USP32: variants seen among roughly 807,000 people sequenced by gnomAD.
USP32 encodes the protein ubiquitin specific peptidase 32, also known as ubiquitin carboxyl-terminal hydrolase 32.
USP32 carries 59 observed loss-of-function variants against 204.8 expected under a neutral mutation model. The observed-to-expected ratio is 0.29, with a 90% CI of 0.23 to 0.36. The LOEUF (loss-of-function observed/expected upper bound fraction) is 0.36. USP32 is among the 10% of genes least tolerant of loss of function. The pLI, the probability that USP32 is intolerant of heterozygous loss-of-function variation, is 1.00. For missense variants in USP32, 1,160 were observed against 1,946.4 expected (o/e 0.60, Z 7.60); for synonymous variants, 517 against 678.4 (o/e 0.76, Z 3.70).
chr17:60,207,104 C>T lies in USP32; in HGVS notation c.2954G>A (p.Arg985Gln), dbSNP rs756035565. The T allele has an allele frequency of 4.3e-6, 7 of 1,612,756 alleles. No individual in the cohort carries two copies. In the South Asian group the frequency reaches 4.4e-5, roughly 10 times the overall value. ...KNFPQDNQKV[R>Q]LSVSGFLCAF... is the part of the protein sequence containing the mutation. ...ACACAAAAATCCACTCACTGAGAGTCGTACTTTTTGGTTGTCCTGAGGAAA... is the reference window on the plus strand; with the variant it reads ...ACACAAAAATCCACTCACTGAGAGTTGTACTTTTTGGTTGTCCTGAGGAAA... Residue 985 changes from arginine (R) to glutamine (Q), a missense_variant, in exon 25 of 34, where the codon CGA becomes CAA. By Grantham distance (43) the Arg-to-Gln change is conservative. Coordinates refer to ENST00000300896, the MANE Select transcript of USP32 (RefSeq NM_032582.4).
chr17:60,369,210 G>A (rs914983756), intron 1 of USP32, among the ~76,000 whole-genome samples: 1 of 137,450 alleles, frequency 7.3e-6, no homozygotes, highest in Non-Finnish European at 1.5e-5. Context: ...TAGCTGGGAT[G>A]GTCTCGATCT....
intron 24 of USP32, among the ~76,000 whole-genome samples, 192 bp from the exon 25 acceptor site, chr17:60,207,324 G>T (rs1010789634): frequency 1.3e-5 from 2 of 152,006 alleles, no homozygotes; most frequent in Admixed American, 1.3e-4. Flanking sequence ...CTCAATTTTC[G>T]AACTATTATC....
chr17:60,233,824 T>C (rs1444254349), intron 12 of USP32, among the ~76,000 whole-genome samples: 1 of 152,204 alleles, frequency 6.6e-6, no homozygotes, highest in Non-Finnish European at 1.5e-5. Context: ...CAGAAAGTAC[T>C]GCTGTTACTC....
chr17:60,294,266 T>C (rs901440047), intron 4 of USP32, among the ~76,000 whole-genome samples: 1 of 152,112 alleles, frequency 6.6e-6, no homozygotes, highest in Non-Finnish European at 1.5e-5. Context: ...GTGAAATAAA[T>C]GACAAAATAG....
At chr17:60,180,390 A>T (rs1386295621) in intron 33 of USP32, among the ~76,000 whole-genome samples, 155 bp downstream of exon 33, 2 of 152,214 alleles carry the variant, frequency 1.3e-5, no homozygotes, top group African/African-American at 4.8e-5. Flanking sequence ...CTCTGCATAT[A>T]ACTTTTGTTC....
chr17:60,234,239 G>T (rs952177538), intron 12 of USP32, among the ~76,000 whole-genome samples: 1 of 150,660 alleles, frequency 6.6e-6, no homozygotes, highest in Middle Eastern at 3.2e-3. Context: ...TCACCCTCCC[G>T]AGTAGCTGGG....
intron 2 of USP32, chr17:60,316,354 G>A (rs2087977694): frequency 6.4e-6 from 1 of 155,356 alleles, no homozygotes; most frequent in African/African-American, 2.4e-5. Flanking sequence ...GACTGCAAGT[G>A]GGAAAATGGG....
chr17:60,420,189 T>G (rs2090099067), intron 1 of USP32, among the ~76,000 whole-genome samples: 1 of 151,860 alleles, frequency 6.6e-6, no homozygotes, highest in African/African-American at 2.4e-5. Flanking sequence ...GTAGAGGGTT[T>G]TGCCATGTTG....
At chr17:60,411,088 G>A (rs1210364178) in intron 1 of USP32, among the ~76,000 whole-genome samples, 2 of 152,012 alleles carry the variant, frequency 1.3e-5, no homozygotes, top group Non-Finnish European at 2.9e-5. Flanking sequence ...CAGCACTTTG[G>A]GAGGCCGAGG....
chr17:60,226,895 T>G (rs994896739), intron 12 of USP32, among the ~76,000 whole-genome samples: 1 of 151,670 alleles, frequency 6.6e-6, no homozygotes, highest in African/African-American at 2.4e-5. Context: ...AATACAAAAA[T>G]TAGCTGGGGG....
At position 60,181,612 on chromosome 17, in the gene USP32, C is replaced by G. The variant is rs775868804; in HGVS notation, c.4260G>C (p.Leu1420=). ...CATCCAAGTTCTCTTTACTACTTGA[C>G]AGTTTATTTTTGCTGCCAATCTGGG... is the stretch of plus-strand genomic sequence containing the variant. ...RLPQIGSKNK[L]SSSKENLDAS... Residue 1420 remains leucine, a synonymous_variant, in exon 32 of 34, where the codon CTG becomes CTC. Transcript: ENST00000300896. The G allele has an allele frequency of 6.2e-7, 1 of 1,613,898 alleles. No homozygotes were observed. Among genetic ancestry groups the G allele is most frequent in the Non-Finnish European group, 8.5e-7 (1 of 1,179,866 alleles).
intron 26 of USP32, among the ~76,000 whole-genome samples, chr17:60,204,015 G>T (rs932289416): frequency 1.3e-5 from 2 of 152,082 alleles, no homozygotes; most frequent in Non-Finnish European, 2.9e-5. Flanking sequence ...CACTATACCC[G>T]AAGACTACCT....
At chr17:60,396,069 C>CTTTTTT (rs936063243), upstream of USP32, among the ~76,000 whole-genome samples, 6 of 74,920 alleles carry the variant, frequency 8.0e-5, no homozygotes, top group African/African-American at 3.1e-4. Flanking sequence ...GCACTTGAAG[C>CTTTTTT]TTTTTTTTTT....
intron 15 of USP32, among the ~76,000 whole-genome samples, chr17:60,221,068 G>C (rs1222008339): frequency 6.7e-6 from 1 of 150,014 alleles, no homozygotes; most frequent in East Asian, 1.9e-4. Flanking sequence ...TTTTTTTTTA[G>C]TATCAAGAGG....
intron 1 of USP32, among the ~76,000 whole-genome samples, chr17:60,404,604 A>G (rs556887699): frequency 1.3e-5 from 2 of 152,300 alleles, no homozygotes; most frequent in South Asian, 4.1e-4. Context: ...TGTATGACCT[A>G]CTACACTAAA....
intron 5 of USP32, among the ~76,000 whole-genome samples, chr17:60,272,957 C>A (rs544107904): frequency 6.6e-6 from 1 of 152,026 alleles, no homozygotes; most frequent in Non-Finnish European, 1.5e-5. Flanking sequence ...GTACAAATGC[C>A]GGGAAATTTG....
At position 60,271,480 on chromosome 17, in the gene USP32, C is replaced by T. The variant is rs765110815; in HGVS notation, c.573G>A (p.Leu191=). The change falls in exon 6 of 34, where the codon TTG becomes TTA. Residue 191 remains leucine (L), a splice_region_variant and synonymous_variant. Transcript: ENST00000300896. ...CAAGATCAATGATGTCTGATTCCTC[C>T]ACTAAGGGTCAAATCAAAAAAGATT... ...FYQTLAGVTH[L]EESDIIDLEK... 2 of 1,613,168 alleles carry T rather than the reference C, an allele frequency of 1.2e-6. No homozygotes were observed. Among genetic ancestry groups the T allele is most frequent in the Non-Finnish European group, 1.7e-6 (2 of 1,179,488 alleles).
At position 60,185,603 on chromosome 17, in the gene USP32, C is replaced by T. The variant is rs752115252; in HGVS notation, c.3691G>A (p.Glu1231Lys). ...SVEQSRRAQA[E>K]PINLDSCLRA... ...AGACAGCTGTCCAGGTTGATGGGCT[C>T]GGCTTGCGCTCGCCGACTCTGCTCC... Residue 1231 changes from glutamate (E) to lysine (K), a missense_variant, in exon 30 of 34, where the codon GAG (glutamate) becomes AAG (lysine). Physicochemically the swap from Glu to Lys is moderately conservative, Grantham distance 56. This residue lies in a region of USP32 where 160 missense variants were observed against 322.5 expected (regional missense o/e 0.50). Coordinates refer to ENST00000300896, the MANE Select transcript of USP32 (RefSeq NM_032582.4). The T allele has an allele frequency of 9.3e-6, 15 of 1,611,918 alleles. No homozygotes were observed. Among genetic ancestry groups the T allele is most frequent in the Non-Finnish European group, 1.2e-5 (14 of 1,179,806 alleles).
intron 5 of USP32, among the ~76,000 whole-genome samples, chr17:60,282,776 C>T (rs2087000396): frequency 6.6e-6 from 1 of 152,222 alleles, no homozygotes; most frequent in Non-Finnish European, 1.5e-5. Flanking sequence ...CCTAAGAGGA[C>T]ACATCCCTTC....
Sources: allele counts gnomAD v4.1 joint callset (sites outside exome capture counted in the v4.1 genomes callset), GRCh38; gene constraint gnomAD v4.1.1; regional missense constraint gnomAD v4.1.1; transcripts MANE v1.5; gene names NCBI Gene and HGNC (gene_info 2026-07-23, HGNC 2026-07-21).